The following RAC1 variants were observed in gnomAD, a reference collection of about 807,000 sequenced individuals.
The protein encoded by RAC1 is ras-related C3 botulinum toxin substrate 1.
In RAC1, 2 loss-of-function variants were observed where a neutral mutation model predicts 25.2. The ratio of observed to expected loss-of-function variants is 0.08; its 90% CI spans 0.03 to 0.25. The LOEUF is 0.25. Among genes scored for constraint, RAC1 ranks in the 10% least tolerant of loss-of-function variants. The pLI, the probability that RAC1 is intolerant of heterozygous loss-of-function variation, is 1.00. For synonymous variants in RAC1, 88 were observed against 94.0 expected, an observed-to-expected ratio of 0.94 and a Z score of 0.37; for missense variants, 50 against 235.7, an observed-to-expected ratio of 0.21 and a Z score of 5.16.
intron 1 of RAC1, among the ~76,000 whole-genome samples, chr7:6,378,105 T>A (rs1782656309): frequency 6.6e-6 from 1 of 152,134 alleles, no homozygotes; most frequent in Admixed American, 6.6e-5. Flanking sequence ...ATTTCTAGAA[T>A]TGGATGCCTT....
rs1023838589 is a variant in RAC1 at position 6,403,205 on chromosome 7, A to C, written c.*759A>C. ...GAAGTGGAGATTTACACTACATTGT[A>C]CAAGGAATGAAAGTGTCACGGGTAA... is the stretch of plus-strand genomic sequence containing the variant. On this transcript the variant is annotated 3_prime_UTR_variant, in exon 6 of 6. Coordinates refer to ENST00000348035, the MANE Select transcript of RAC1 (RefSeq NM_006908.5). The C allele has an allele frequency of 5.0e-5, 11 of 222,162 alleles. No homozygotes were observed. Among genetic ancestry groups the C allele is most frequent in the Admixed American group, 1.7e-4 (3 of 17,362 alleles). 13.8% of individuals were successfully genotyped at this position (222,162 alleles called of 1,614,324 possible).
At chr7:6,391,774 C>G in intron 2 of RAC1, 150 bp from the exon 3 acceptor site, 2 of 1,289,538 alleles carry the variant, frequency 1.6e-6, no homozygotes, top group East Asian at 2.6e-5. Flanking sequence ...GCCCGTGCCG[C>G]CTTCCTCCTT....
At chr7:6,401,761 T>A (rs1443114441) in intron 4 of RAC1, 107 bp from the exon 5 acceptor site, 1 of 1,239,456 alleles carries the variant, frequency 8.1e-7, no homozygotes, top group Non-Finnish European at 1.1e-6. Flanking sequence ...GGGGAGGCCT[T>A]GCCTGAGGTT....
intron 2 of RAC1, among the ~76,000 whole-genome samples, chr7:6,390,320 A>C (rs1371887598): frequency 6.6e-6 from 1 of 150,642 alleles, no homozygotes; most frequent in Non-Finnish European, 1.5e-5. Flanking sequence ...ATACCACCTT[A>C]CCCGGGCACG....
intron 3 of RAC1, among the ~76,000 whole-genome samples, chr7:6,397,372 G>A (rs1783274353): frequency 6.6e-6 from 1 of 151,872 alleles, no homozygotes; most frequent in African/African-American, 2.4e-5. Context: ...TCGCCTCACT[G>A]CAACCTCCAC....
chr7:6,393,343 A>T (rs2115203367), intron 3 of RAC1, among the ~76,000 whole-genome samples: 1 of 152,342 alleles, frequency 6.6e-6, no homozygotes, highest in Middle Eastern at 3.4e-3. Flanking sequence ...AAATGGATTT[A>T]AAAACATACT....
Position 6,394,602 on chromosome 7 carries a change from G to T in RAC1, c.225+2561G>T, listed in dbSNP as rs116581948. On this transcript the variant is annotated intron_variant, in intron 3 of 5. Coordinates refer to ENST00000348035, the MANE Select transcript of RAC1 (RefSeq NM_006908.5). ...TGCAGCGGGTTCGCTGAGATGCTGAGCCTCCATGTTGGGGTCAGCCAGGAC... is the reference window on the plus strand; with the variant it reads ...TGCAGCGGGTTCGCTGAGATGCTGATCCTCCATGTTGGGGTCAGCCAGGAC... 3.4e-3 allele frequency among the ~76,000 whole-genome samples: 525 copies of T among 152,286 alleles called. 8 individuals carry two copies. Among genetic ancestry groups the T allele is most frequent in the African/African-American group, 0.012 (494 of 41,558 alleles).
intron 3 of RAC1, among the ~76,000 whole-genome samples, chr7:6,396,425 A>G (rs2115208226): frequency 6.6e-6 from 1 of 152,250 alleles, no homozygotes; most frequent in East Asian, 1.9e-4. Flanking sequence ...TTAGCTGGGG[A>G]CGAAGAAGGA....
intron 3 of RAC1, among the ~76,000 whole-genome samples, chr7:6,399,036 G>C (rs144371745): frequency 6.6e-6 from 1 of 152,286 alleles, no homozygotes; most frequent in South Asian, 2.1e-4. Flanking sequence ...GCTGTGAGCC[G>C]AGCCGGAGCA....
In RAC1 at chr7:6,402,624, T is replaced by C; in HGVS notation, c.*178T>C. ...CCATTTTTTGAACCAATCAGTAATT[T>C]TAAGGTTTTGTTTGTTCTAAATGTA... On this transcript the variant is annotated 3_prime_UTR_variant, in exon 6 of 6. Transcript: ENST00000348035. 1.7e-6 allele frequency: 1 copy of C among 587,096 alleles called. No individual in the cohort carries two copies. 36.4% of individuals were successfully genotyped at this position (587,096 alleles called of 1,614,324 possible). A position where few individuals can be genotyped will look rare whatever the true frequency, so the allele number is the denominator to read the frequency against.
intron 3 of RAC1, among the ~76,000 whole-genome samples, chr7:6,397,102 G>C (rs1179569349): frequency 6.9e-6 from 1 of 145,074 alleles, no homozygotes; most frequent in African/African-American, 2.5e-5. Context: ...TTAGCTGGGC[G>C]CAGTGGCGGA....
At chr7:6,378,613 T>C (rs913350659) in intron 1 of RAC1, among the ~76,000 whole-genome samples, 4 of 152,170 alleles carry the variant, frequency 2.6e-5, no homozygotes, top group African/African-American at 7.2e-5. Context: ...ATTTCCTGAA[T>C]AGCAATTTAA....
intron 1 of RAC1, among the ~76,000 whole-genome samples, chr7:6,377,160 G>A (rs1362275949): frequency 1.3e-5 from 2 of 151,316 alleles, no homozygotes; most frequent in African/African-American, 4.9e-5. Flanking sequence ...CTGTGAGGGA[G>A]TATTAGGCTT....
At chr7:6,378,955 T>G (rs536893411) in intron 1 of RAC1, among the ~76,000 whole-genome samples, 15 of 151,922 alleles carry the variant, frequency 9.9e-5, no homozygotes, top group African/African-American at 3.6e-4. Context: ...CCAAGGATGG[T>G]GGGGGGCGCC....
intron 3 of RAC1, among the ~76,000 whole-genome samples, chr7:6,394,715 T>G (rs1783181492): frequency 6.6e-6 from 1 of 152,066 alleles, no homozygotes; most frequent in Admixed American, 6.6e-5. Context: ...AGTTTCGCTC[T>G]TGTTGCCCAG....
rs534245820 is a variant in RAC1 at position 6,394,115 on chromosome 7, C to G, written c.225+2074C>G. 2.0e-5 allele frequency among the ~76,000 whole-genome samples: 3 copies of G among 152,272 alleles called. No individual in the cohort carries two copies. The East Asian group carries it at 5.8e-4, about 29-fold the overall frequency. On this transcript the variant is annotated intron_variant, in intron 3 of 5. Transcript: ENST00000348035. The stretch of plus-strand genomic sequence containing the variant: ...GCTCATCCAAGACTGCTTAGACACT[C>G]TCCTGAAGGACCAGTTGGAAGATTT...
At chr7:6,398,741 T>C in intron 3 of RAC1, 2 of 1,608,348 alleles carry the variant, frequency 1.2e-6, no homozygotes, top group Non-Finnish European at 1.7e-6. Context: ...TTCAGTCCAC[T>C]TCAGTTTCAA....
intron 2 of RAC1, among the ~76,000 whole-genome samples, chr7:6,388,961 G>A (rs558208003): frequency 2.6e-5 from 4 of 152,048 alleles, no homozygotes; most frequent in Non-Finnish European, 5.9e-5. Context: ...AGCACTTTGG[G>A]AGGCCAAGAC....
At chr7:6,376,800 T>A (rs1434957416) in intron 1 of RAC1, among the ~76,000 whole-genome samples, 1 of 125,036 alleles carries the variant, frequency 8.0e-6, no homozygotes, top group African/African-American at 2.9e-5. Flanking sequence ...TTTTTTTTTT[T>A]AAGTCATATT....
Sources: allele counts gnomAD v4.1 joint callset (sites outside exome capture counted in the v4.1 genomes callset), GRCh38; gene constraint gnomAD v4.1.1; transcripts MANE v1.5; gene names NCBI Gene and HGNC (gene_info 2026-07-23, HGNC 2026-07-21).